Variants in DNAAF1 observed in about 807,000 individuals in gnomAD.
DNAAF1 encodes dynein axonemal assembly factor 1, also known as dynein assembly factor 1, axonemal.
DNAAF1 carries 65 observed loss-of-function variants against 71.1 expected under a neutral mutation model. The observed-to-expected ratio is 0.91, with a 90% CI of 0.75 to 1.12. DNAAF1 has a LOEUF of 1.12. DNAAF1 is among the 50% of genes most tolerant of loss of function. DNAAF1 has a pLI of 0.00. For synonymous variants in DNAAF1, 414 were observed against 354.6 expected, an observed-to-expected ratio of 1.17 and a Z score of -1.88; for missense variants, 1,178 against 899.8, an observed-to-expected ratio of 1.31 and a Z score of -3.96.
intron 6 of DNAAF1, among the ~76,000 whole-genome samples, chr16:84,164,059 C>G (rs1451756741): frequency 6.6e-6 from 1 of 152,150 alleles, no homozygotes; most frequent in Non-Finnish European, 1.5e-5. Flanking sequence ...CCCATCTTGG[C>G]CTCCCAGAGT....
chr16:84,176,406 G>A, intron 11 of DNAAF1, 107 bp downstream of exon 11: 1 of 1,541,604 alleles, frequency 6.5e-7, no homozygotes, highest in African/African-American at 1.4e-5. Flanking sequence ...TCATGTTGCT[G>A]GAGGGGTCAC....
At position 84,175,979 on chromosome 16, in the gene DNAAF1, A is replaced by AC. The variant is rs751994125; in HGVS notation, c.1746dup (p.Ser583GlnfsTer2). ...GAGGTCATCTCGAGCTTGAGTGATG[A>AC]CAGTGACCCTGAACTGGACTACACG... On this transcript the variant is annotated frameshift_variant, in exon 11 of 12. Coordinates refer to ENST00000378553, the MANE Select transcript of DNAAF1 (RefSeq NM_178452.6). LOFTEE classifies it high-confidence loss of function. The AC allele has an allele frequency of 3.1e-6, 5 of 1,614,162 alleles. No individual in the cohort carries two copies. In the South Asian group the frequency reaches 5.5e-5, roughly 18 times the overall value.
intron 5 of DNAAF1, among the ~76,000 whole-genome samples, chr16:84,158,244 C>T (rs1479281060): frequency 6.6e-6 from 1 of 152,062 alleles, no homozygotes; most frequent in African/African-American, 2.4e-5. Context: ...AACTTATTTT[C>T]TCATGATTCT....
In DNAAF1 at chr16:84,165,801, G is replaced by T; in HGVS notation, c.882G>T (p.Trp294Cys). 6.2e-7 allele frequency: 1 copy of T among 1,613,656 alleles called. No individual in the cohort carries two copies. Among genetic ancestry groups the T allele is most frequent in the East Asian group, 2.2e-5 (1 of 44,856 alleles). The change falls in exon 7 of 12, where the codon TGG becomes TGT. Residue 294 changes from tryptophan to cysteine, a missense_variant. By Grantham distance (215) the Trp-to-Cys change is radical. Coordinates refer to ENST00000378553, the MANE Select transcript of DNAAF1 (RefSeq NM_178452.6). The stretch of plus-strand genomic sequence containing the variant: ...TAAACAGAGCTTGTGCGGAGGCCTG[G>T]GCTAGGGGAGGGTACGCAGCTGAAA... Reference protein sequence around the residue: ...FPKDRACAEAWARGGYAAEKE... With the variant: ...FPKDRACAEACARGGYAAEKE...
At chr16:84,172,439 G>A (rs760100662) in intron 9 of DNAAF1, 64 bp downstream of exon 9, 2 of 1,588,864 alleles carry the variant, frequency 1.3e-6, no homozygotes, top group Non-Finnish European at 1.7e-6. Context: ...TAGGTAATCA[G>A]ATGCAGACTT....
In DNAAF1 at chr16:84,154,648, C is replaced by A; in HGVS notation, c.424C>A (p.Gln142Lys). ...RCLWLQSNGIQKIENLEAQTE... is the reference protein window; with the variant it reads ...RCLWLQSNGIKKIENLEAQTE... ...TCTCTGGCTGCAGAGCAATGGAATA[C>A]AGAAAATCGAAAACCTGGAGGCCCA... The change falls in exon 4 of 12, where the codon CAG becomes AAG. Residue 142 changes from glutamine (Q) to lysine (K), a missense_variant. Coordinates refer to ENST00000378553, the MANE Select transcript of DNAAF1 (RefSeq NM_178452.6). 6.2e-7 allele frequency: 1 copy of A among 1,614,150 alleles called. No individual in the cohort carries two copies. Among genetic ancestry groups the A allele is most frequent in the Admixed American group, 1.7e-5 (1 of 60,014 alleles).
chr16:84,153,765 A>G (rs1209686566), intron 3 of DNAAF1, among the ~76,000 whole-genome samples: 1 of 152,236 alleles, frequency 6.6e-6, no homozygotes, highest in Non-Finnish European at 1.5e-5. Flanking sequence ...AATTTGGCTC[A>G]TAAAACTGAA....
At position 84,155,737 on chromosome 16, in the gene DNAAF1, C is replaced by T; in HGVS notation, c.729C>T (p.Ser243=). Residue 243 remains serine, a synonymous_variant, in exon 5 of 12, where the codon AGC becomes AGT. Transcript: ENST00000378553. The stretch of plus-strand genomic sequence containing the variant: ...CGGAGATCCTGAGCATTCTGGAAAG[C>T]ATGCCCGATTTGGTAAAAAACAAAA... ...SDPEILSILE[S]MPDLRVLNLM... 3 of 1,614,142 alleles carry T rather than the reference C, an allele frequency of 1.9e-6. No homozygotes were observed. Among genetic ancestry groups the T allele is most frequent in the Non-Finnish European group, 2.5e-6 (3 of 1,180,028 alleles).
At chr16:84,175,874 T>C (rs1186777465) in intron 10 of DNAAF1, 59 bp from the exon 11 acceptor site, 14 of 1,593,914 alleles carry the variant, frequency 8.8e-6, no homozygotes, top group Admixed American at 6.7e-5. Flanking sequence ...CATGGTGCAT[T>C]GTAGAGCGAT....
chr16:84,159,942 C>G, intron 6 of DNAAF1, 146 bp downstream of exon 6: 1 of 884,754 alleles, frequency 1.1e-6, no homozygotes, highest in Admixed American at 2.6e-5. Flanking sequence ...ACATAATTGA[C>G]TATAATGGGA....
chr16:84,172,895 C>T lies in DNAAF1; in HGVS notation c.1644+520C>T, dbSNP rs191162782. 219 of 1,008,074 alleles carry T rather than the reference C, an allele frequency of 2.2e-4. 1 individual carries two copies. The East Asian group carries it at 0.015, about 70-fold the overall frequency. The allele number at this position is 1,008,074 out of a possible 1,614,324, so 62.4% of individuals were successfully genotyped here. A position where few individuals can be genotyped will look rare whatever the true frequency, so the allele number is the denominator to read the frequency against. On this transcript the variant is annotated intron_variant, in intron 9 of 11. Coordinates refer to ENST00000378553, the MANE Select transcript of DNAAF1 (RefSeq NM_178452.6). ...CCATCCCCTTGAGTGAATGTTTGAT[C>T]GCAGCCTTGCCTGTCACTCTTCCCT... is the stretch of plus-strand genomic sequence containing the variant.
chr16:84,159,923 T>G, intron 6 of DNAAF1, 127 bp downstream of exon 6: 1 of 1,084,794 alleles, frequency 9.2e-7, no homozygotes. Context: ...GGAAATAGGC[T>G]TGATGGCTAC....
At chr16:84,159,818 G>A (rs1197260119) in intron 6 of DNAAF1, 22 bp downstream of exon 6, 1 of 1,612,390 alleles carries the variant, frequency 6.2e-7, no homozygotes, top group Non-Finnish European at 8.5e-7. Context: ...AAAGCCTTCT[G>A]ATCACATTTT....
rs144533897 is a variant in DNAAF1, at chr16:84,155,049, C to T, written c.574+251C>T. ...TTAGCCTCCAAAATAGCTGGGACTACAGGCACCCACCACCACACCTGGCTA... is the reference window on the plus strand; with the variant it reads ...TTAGCCTCCAAAATAGCTGGGACTATAGGCACCCACCACCACACCTGGCTA... On this transcript the variant is annotated intron_variant, in intron 4 of 11. Coordinates refer to ENST00000378553, the MANE Select transcript of DNAAF1 (RefSeq NM_178452.6). Among the ~76,000 whole-genome samples, 1,086 of 152,130 alleles carry T rather than the reference C, an allele frequency of 7.1e-3. 11 individuals are homozygous for T. The highest frequency in any genetic ancestry group is 0.025 in the African/African-American group (1,029 of 41,514).
In DNAAF1 at chr16:84,170,110, G is replaced by C. The variant is rs1358496491; in HGVS notation, c.1282G>C (p.Glu428Gln). 6.3e-7 allele frequency: 1 copy of C among 1,581,886 alleles called. No homozygotes were observed. Among genetic ancestry groups the C allele is most frequent in the Admixed American group, 1.7e-5 (1 of 58,570 alleles). ...GACCCTGCTACTGTCGTCACCTGTG[G>C]AGGTTAAAGGAGAGGACGGAGATGG... ...AETLLLSSPV[E>Q]VKGEDGDGEP... Residue 428 changes from glutamate (E) to glutamine (Q), a missense_variant, in exon 8 of 12, where the codon GAG (glutamate) becomes CAG (glutamine). Transcript: ENST00000378553.
At position 84,176,126 on chromosome 16, in the gene DNAAF1, G is replaced by A; in HGVS notation, c.1892G>A (p.Arg631Lys). The A allele has an allele frequency of 1.2e-6, 2 of 1,613,962 alleles. No individual in the cohort carries two copies. The highest frequency in any genetic ancestry group is 1.7e-6 in the Non-Finnish European group (2 of 1,179,964). Residue 631 changes from arginine to lysine, a missense_variant, in exon 11 of 12, where the codon AGG (arginine) becomes AAG (lysine). Physicochemically the swap from Arg to Lys is conservative, Grantham distance 26. Transcript: ENST00000378553. ...GACATCTTTAAAAAAGAAGCTAAGA[G>A]GGACTTGGAAATCCGAAAACAAGAC... Reference protein sequence around the residue: ...FTDIFKKEAKRDLEIRKQDTK... With the variant: ...FTDIFKKEAKKDLEIRKQDTK...
chr16:84,155,187 C>T (rs556108601), intron 4 of DNAAF1, among the ~76,000 whole-genome samples: 38 of 152,036 alleles, frequency 2.5e-4, no homozygotes, highest in African/African-American at 7.7e-4. Context: ...GGATTACAGG[C>T]GTGAGCCACC....
chr16:84,157,293 T>G (rs2087483959), intron 5 of DNAAF1, among the ~76,000 whole-genome samples: 1 of 151,996 alleles, frequency 6.6e-6, no homozygotes, highest in Non-Finnish European at 1.5e-5. Context: ...GAGGCCCAGG[T>G]GGGCAGGTCA....
chr16:84,171,457 A>G (rs1295531005), intron 8 of DNAAF1, among the ~76,000 whole-genome samples: 1 of 152,146 alleles, frequency 6.6e-6, no homozygotes, highest in African/African-American at 2.4e-5. Flanking sequence ...GTATCAACAA[A>G]ATAAAAATAA....
Sources: gnomAD v4.1 joint callset for allele counts (sites outside exome capture counted in the v4.1 genomes callset) on GRCh38, gnomAD v4.1.1 for gene constraint, MANE v1.5 for transcripts, NCBI Gene and HGNC (gene_info 2026-07-23, HGNC 2026-07-21) for gene names.